The following TRMT11 variants were observed in gnomAD, a reference collection of about 807,000 sequenced individuals.
The protein encoded by TRMT11 is tRNA methyltransferase 11.
TRMT11 carries 53 observed loss-of-function variants against 62.8 expected under a neutral mutation model. The ratio of observed to expected loss-of-function variants is 0.84; its 90% confidence interval spans 0.68 to 1.06. The LOEUF (loss-of-function observed/expected upper bound fraction) is 1.06, where lower values mean the gene tolerates loss of function less well. TRMT11 is among the 50% of genes least tolerant of loss of function. TRMT11 has a pLI of 0.00. For missense variants in TRMT11, 556 were observed against 553.4 expected, an observed-to-expected ratio of 1.00 and a Z score of -0.05; for synonymous variants, 188 against 190.3, an observed-to-expected ratio of 0.99 and a Z score of 0.10.
intron 1 of TRMT11, 58 bp downstream of exon 1, chr6:125,986,680 A>G: frequency 6.7e-7 from 1 of 1,486,550 alleles, no homozygotes; most frequent in Non-Finnish European, 9.1e-7. Flanking sequence ...AGTGGAGTGG[A>G]GTGGGTGGAG....
At chr6:126,178,200 C>T (rs1406558797) in intron 1 of TRMT11, among the ~76,000 whole-genome samples, 1 of 152,144 alleles carries the variant, frequency 6.6e-6, no homozygotes, top group Non-Finnish European at 1.5e-5. Flanking sequence ...CTGGATGCAA[C>T]ACTCAGATCA....
chr6:125,995,845 C>T, intron 2 of TRMT11, 122 bp from the exon 3 acceptor site: 1 of 667,268 alleles, frequency 1.5e-6, no homozygotes, highest in South Asian at 1.7e-5. Context: ...TGGTTACAGT[C>T]AGATCAGATA....
At chr6:126,258,190 G>T in the TRMT11 span, 1 of 697,792 alleles carries the variant, frequency 1.4e-6, no homozygotes, top group Non-Finnish European at 2.7e-6. Context: ...GGTAATACTT[G>T]ATGGTGACCT....
At chr6:126,214,664 T>C in the TRMT11 span, among the ~76,000 whole-genome samples, 3 of 152,018 alleles carry the variant, frequency 2.0e-5, no homozygotes, top group East Asian at 1.9e-4. Context: ...ATTTTGTTTA[T>C]CTTTTCAAAA....
intron 21 of TRMT11, among the ~76,000 whole-genome samples, chr6:126,149,500 T>C (rs1778013852): frequency 6.6e-6 from 1 of 152,202 alleles, no homozygotes; most frequent in Non-Finnish European, 1.5e-5. Flanking sequence ...TTATCATCTA[T>C]ATTTACAGAC....
At chr6:125,990,996 C>T (rs539120126) in intron 1 of TRMT11, among the ~76,000 whole-genome samples, 72 of 151,992 alleles carry the variant, frequency 4.7e-4, no homozygotes, top group Middle Eastern at 3.4e-3. Context: ...CCTGTAATTC[C>T]AGTACTTTGG....
chr6:126,115,856 G>A (rs1777580635), intron 21 of TRMT11, among the ~76,000 whole-genome samples: 1 of 151,810 alleles, frequency 6.6e-6, no homozygotes, highest in Non-Finnish European at 1.5e-5. Flanking sequence ...GGAGTGGCAG[G>A]CAAGTTTCTA....
At chr6:126,102,349 A>G (rs1777410976) in intron 17 of TRMT11, among the ~76,000 whole-genome samples, 1 of 152,098 alleles carries the variant, frequency 6.6e-6, no homozygotes. Flanking sequence ...CTTAAGCAAA[A>G]CACTTCAAAG....
At chr6:126,205,053 A>G (rs1264428435), downstream of TRMT11, among the ~76,000 whole-genome samples, 1 of 152,208 alleles carries the variant, frequency 6.6e-6, no homozygotes, top group Non-Finnish European at 1.5e-5. Flanking sequence ...TGTAGAAATT[A>G]TTATAATCAG....
chr6:126,171,423 T>C (rs1318386993), intron 21 of TRMT11, among the ~76,000 whole-genome samples: 1 of 152,168 alleles, frequency 6.6e-6, no homozygotes, highest in Non-Finnish European at 1.5e-5. Flanking sequence ...CAGAACTTGG[T>C]GCTGGTGTTG....
At chr6:126,239,746 T>C in the TRMT11 span, among the ~76,000 whole-genome samples, 52 of 152,350 alleles carry the variant, frequency 3.4e-4, no homozygotes, top group African/African-American at 1.2e-3. Context: ...TGAATCTGAA[T>C]GTTGGCCTGC....
intron 12 of TRMT11, among the ~76,000 whole-genome samples, chr6:126,032,490 CTG>C (rs1484926861): frequency 3.9e-5 from 6 of 152,142 alleles, no homozygotes; most frequent in East Asian, 3.9e-4. Flanking sequence ...CTCACACGCA[CTG>C]TGTTTCCTCT....
At chr6:126,085,716 A>G (rs1426554446) in intron 17 of TRMT11, among the ~76,000 whole-genome samples, 1 of 152,150 alleles carries the variant, frequency 6.6e-6, no homozygotes, top group African/African-American at 2.4e-5. Flanking sequence ...AAACAAATGG[A>G]TGATTGAGGG....
chr6:125,999,053 T>C (rs1234880004), intron 6 of TRMT11, among the ~76,000 whole-genome samples: 1 of 152,032 alleles, frequency 6.6e-6, no homozygotes, highest in Non-Finnish European at 1.5e-5. Context: ...AATCTGGGCC[T>C]TCCATTCCAA....
At chr6:126,127,420 A>G (rs2128203801) in intron 21 of TRMT11, among the ~76,000 whole-genome samples, 1 of 152,252 alleles carries the variant, frequency 6.6e-6, no homozygotes. Context: ...AAACCTCAGA[A>G]AGATATATTT....
At chr6:126,264,118 A>G in the TRMT11 span, among the ~76,000 whole-genome samples, 1 of 152,142 alleles carries the variant, frequency 6.6e-6, no homozygotes, top group Admixed American at 6.5e-5. Context: ...GCACCAAACC[A>G]AATGGAGCCT....
chr6:126,242,996 C>T, the TRMT11 span, among the ~76,000 whole-genome samples: 3 of 151,814 alleles, frequency 2.0e-5, no homozygotes, highest in African/African-American at 7.3e-5. Context: ...AGTGAACAGG[C>T]AACCTACAGA....
At chr6:126,240,844 C>T in the TRMT11 span, among the ~76,000 whole-genome samples, 3 of 152,232 alleles carry the variant, frequency 2.0e-5, no homozygotes, top group Non-Finnish European at 4.4e-5. Flanking sequence ...CCTTGAGCCG[C>T]GGTGGGCTCC....
chr6:126,208,569 C>CT (rs1255939125), downstream of TRMT11, among the ~76,000 whole-genome samples: 1 of 152,008 alleles, frequency 6.6e-6, no homozygotes, highest in Non-Finnish European at 1.5e-5. Flanking sequence ...ACAAGAACCT[C>CT]TATGACAAAA....
Sources: gnomAD v4.1 joint callset for allele counts (sites outside exome capture counted in the v4.1 genomes callset) on GRCh38, gnomAD v4.1.1 for gene constraint, MANE v1.5 for transcripts, NCBI Gene and HGNC (gene_info 2026-07-23, HGNC 2026-07-21) for gene names.